The following PDCD6IP variants were observed in gnomAD, a reference collection of about 807,000 sequenced individuals.
The protein encoded by PDCD6IP is programmed cell death 6 interacting protein.
In PDCD6IP, 43 loss-of-function variants were observed where a neutral mutation model predicts 103.7. The observed-to-expected ratio is 0.41, with a 90% CI of 0.32 to 0.53. The LOEUF is 0.53. Ranked by LOEUF, PDCD6IP falls within the 20% of genes least tolerant of loss-of-function variation. The probability of loss-of-function intolerance (pLI) is 0.16; values close to 1 mark genes in which losing one functional copy is unlikely to be tolerated. For synonymous variants in PDCD6IP, 354 were observed against 378.7 expected, an observed-to-expected ratio of 0.93 and a Z score of 0.76; for missense variants, 871 against 1,036.7, an observed-to-expected ratio of 0.84 and a Z score of 2.20.
intron 15 of PDCD6IP, among the ~76,000 whole-genome samples, chr3:33,863,699 T>C (rs544597506): frequency 6.6e-6 from 1 of 152,348 alleles, no homozygotes; most frequent in East Asian, 1.9e-4. Flanking sequence ...ATTTTGGCTG[T>C]TGGAAGTGCT....
At position 33,798,842 on chromosome 3, in the gene PDCD6IP, G is replaced by A. The variant is rs1386264125; in HGVS notation, c.114G>A (p.Gln38=). ...CAAGCGGCGGGGAAGAGCAGGCCCA[G>A]TACTGCCGCGCGGCGGAGGAGCTCA... ...TYPSGGEEQA[Q]YCRAAEELSK... Residue 38 remains glutamine, a synonymous_variant, in exon 1 of 18, where the codon CAG becomes CAA. Coordinates refer to ENST00000307296, the MANE Select transcript of PDCD6IP (RefSeq NM_013374.6). 5.8e-6 allele frequency: 9 copies of A among 1,556,028 alleles called. No individual in the cohort carries two copies. The highest frequency in any genetic ancestry group is 7.8e-6 in the Non-Finnish European group (9 of 1,149,788).
At chr3:33,817,335 C>CA (rs1359849648) in intron 3 of PDCD6IP, among the ~76,000 whole-genome samples, 2 of 152,124 alleles carry the variant, frequency 1.3e-5, no homozygotes, top group East Asian at 3.9e-4. Flanking sequence ...TGTGAGATAC[C>CA]AAAAAATAAA....
At position 33,844,120 on chromosome 3, in the gene PDCD6IP, G is replaced by A; in HGVS notation, c.1368G>A (p.Arg456=). 6.3e-7 allele frequency: 1 copy of A among 1,592,264 alleles called. No individual in the cohort carries two copies. The highest frequency in any genetic ancestry group is 8.5e-7 in the Non-Finnish European group (1 of 1,172,242). ...RNREILDESL[R]LLDEEEATDN... is the part of the protein sequence containing the mutation. ...TTTGCTTCCTTTTAAAGTCATTAAG[G>A]TTGTTGGATGAAGAAGAAGCAACCG... is the stretch of plus-strand genomic sequence containing the variant. The change falls in exon 11 of 18, where the codon AGG becomes AGA. Residue 456 remains arginine, a synonymous_variant. Transcript: ENST00000307296.
chr3:33,861,197 T>C (rs980962412), intron 15 of PDCD6IP, among the ~76,000 whole-genome samples: 1 of 151,566 alleles, frequency 6.6e-6, no homozygotes, highest in Non-Finnish European at 1.5e-5. Flanking sequence ...CAGGCTGGAG[T>C]GCAGTGGCAC....
rs572153247 is a variant in PDCD6IP at position 33,867,956 on chromosome 3, A to G, written c.*1431A>G. 2.6e-5 allele frequency: 4 copies of G among 152,296 alleles called. No individual in the cohort carries two copies. Among genetic ancestry groups the G allele is most frequent in the African/African-American group, 9.6e-5 (4 of 41,580 alleles). The allele number at this position is 152,296 out of a possible 1,614,324, so 9.4% of individuals were successfully genotyped here. On this transcript the variant is annotated 3_prime_UTR_variant, in exon 18 of 18. Coordinates refer to ENST00000307296, the MANE Select transcript of PDCD6IP (RefSeq NM_013374.6). ...TGTTCGAATGAAAGTATGATTGTAA[A>G]AGGGAGTGAATTGGTTTAAAAATAT...
chr3:33,835,321 G>T, intron 7 of PDCD6IP: 1 of 456,682 alleles, frequency 2.2e-6, no homozygotes, highest in Non-Finnish European at 4.4e-6. Context: ...TGAAAGAGGT[G>T]CATCTCAATT....
At chr3:33,811,142 C>T in intron 1 of PDCD6IP, 1 of 417,906 alleles carries the variant, frequency 2.4e-6, no homozygotes, top group South Asian at 1.7e-5. Context: ...GCCTCAGCCT[C>T]CCAGAGTGCT....
At chr3:33,839,798 G>C (rs1473095370) in intron 9 of PDCD6IP, among the ~76,000 whole-genome samples, 2 of 152,122 alleles carry the variant, frequency 1.3e-5, no homozygotes, top group African/African-American at 4.8e-5. Context: ...AGCTACTTTA[G>C]TGTGTGTGTA....
intron 12 of PDCD6IP, among the ~76,000 whole-genome samples, chr3:33,846,408 A>T (rs1697592741): frequency 6.6e-6 from 1 of 152,240 alleles, no homozygotes. Flanking sequence ...AAATTAACAT[A>T]CAAATTACAC....
chr3:33,818,280 G>A (rs1468817603), intron 3 of PDCD6IP, among the ~76,000 whole-genome samples: 1 of 149,950 alleles, frequency 6.7e-6, no homozygotes. Flanking sequence ...GCGAATTTTT[G>A]TATTTTTAGT....
intron 15 of PDCD6IP, among the ~76,000 whole-genome samples, chr3:33,861,000 TAAAAA>T (rs202127648): frequency 3.4e-5 from 5 of 146,198 alleles, no homozygotes; most frequent in African/African-American, 7.5e-5. Context: ...TAGCCGTAGT[TAAAAA>T]AAAAAAAACA....
rs978665014 is a variant in PDCD6IP, at chr3:33,827,391, T to A, written c.717+811T>A. ...ATTTGTAAGTCATATTCAGGAATCT[T>A]TGTACATTAAAAAATTGCAGACAAC... is the stretch of plus-strand genomic sequence containing the variant. On this transcript the variant is annotated intron_variant, in intron 6 of 17. Coordinates refer to ENST00000307296, the MANE Select transcript of PDCD6IP (RefSeq NM_013374.6). 5 of 229,044 alleles carry A rather than the reference T, an allele frequency of 2.2e-5. No homozygotes were observed. In the Admixed American group the frequency reaches 3.3e-4, roughly 15 times the overall value. The allele number at this position is 229,044 out of a possible 1,614,324, so 14.2% of individuals were successfully genotyped here.
chr3:33,826,441 C>T, intron 5 of PDCD6IP, 39 bp from the exon 6 acceptor site: 1 of 1,381,910 alleles, frequency 7.2e-7, no homozygotes, highest in Non-Finnish European at 1.0e-6. Context: ...CAGATTAGCT[C>T]ATATTTATTT....
At chr3:33,820,648 A>C (rs1307556567) in intron 3 of PDCD6IP, among the ~76,000 whole-genome samples, 1 of 152,248 alleles carries the variant, frequency 6.6e-6, no homozygotes, top group African/African-American at 2.4e-5. Context: ...TATAAGTGGA[A>C]TCATACAATA....
rs1281231556 is a variant in PDCD6IP, at chr3:33,798,666, C to T, written c.-63C>T. 14 of 1,408,338 alleles carry T rather than the reference C, an allele frequency of 9.9e-6. No homozygotes were observed. The highest frequency in any genetic ancestry group is 1.1e-5 in the Non-Finnish European group (12 of 1,045,784). 87.2% of individuals were successfully genotyped at this position (1,408,338 alleles called of 1,614,324 possible). A position where few individuals can be genotyped will look rare whatever the true frequency, so the allele number is the denominator to read the frequency against. ...CAGTCCGCCAGCCCAGTACCTCTCT[C>T]TCCTCGGCCCTCGTAAGCTGTCCGC... On this transcript the variant is annotated 5_prime_UTR_variant, in exon 1 of 18. Transcript: ENST00000307296.
intron 4 of PDCD6IP, among the ~76,000 whole-genome samples, chr3:33,823,713 C>T (rs376595588): frequency 1.3e-5 from 2 of 152,012 alleles, no homozygotes; most frequent in Admixed American, 6.6e-5. Context: ...ACCGAGGAGG[C>T]GGAGGTTGCA....
intron 16 of PDCD6IP, among the ~76,000 whole-genome samples, chr3:33,864,512 GA>G (rs1276124609): frequency 6.6e-6 from 1 of 152,184 alleles, no homozygotes; most frequent in Non-Finnish European, 1.5e-5. Flanking sequence ...TATTCTAGAT[GA>G]AAAGAGATGA....
At chr3:33,854,835 C>G (rs1310064719) in intron 14 of PDCD6IP, 1 of 159,790 alleles carries the variant, frequency 6.3e-6, no homozygotes, top group African/African-American at 2.4e-5. Context: ...ATTTGAAAAC[C>G]TAATCCTTCC....
At chr3:33,863,921 A>T (rs1698008058) in intron 15 of PDCD6IP, 85 bp from the exon 16 acceptor site, 2 of 837,080 alleles carry the variant, frequency 2.4e-6, no homozygotes, top group African/African-American at 3.4e-5. Flanking sequence ...TCTATGTTTC[A>T]TGTATGAAGA....
Sources: allele counts gnomAD v4.1 joint callset (sites outside exome capture counted in the v4.1 genomes callset), GRCh38; gene constraint gnomAD v4.1.1; transcripts MANE v1.5; gene names NCBI Gene and HGNC (gene_info 2026-07-23, HGNC 2026-07-21).